The following FGF12 variants were observed in gnomAD, a reference collection of about 807,000 sequenced individuals.
FGF12 encodes the protein fibroblast growth factor 12B.
In FGF12, 14 loss-of-function variants were observed where a neutral mutation model predicts 23.6. The observed-to-expected ratio is 0.59, with a 90% confidence interval of 0.39 to 0.93. The LOEUF (loss-of-function observed/expected upper bound fraction) is 0.93. FGF12 is among the 40% of genes least tolerant of loss of function. FGF12 has a pLI of 0.00. For synonymous variants in FGF12, 62 were observed against 77.3 expected, an observed-to-expected ratio of 0.80 and a Z score of 1.04; for missense variants, 175 against 217.8, an observed-to-expected ratio of 0.80 and a Z score of 1.24.
intron 2 of FGF12, among the ~76,000 whole-genome samples, chr3:192,630,434 TAA>T (rs879592718): frequency 6.9e-6 from 1 of 144,940 alleles, no homozygotes; most frequent in African/African-American, 2.5e-5. Flanking sequence ...AAATCAGGGC[TAA>T]AAAAAAAAAA....
intron 2 of FGF12, among the ~76,000 whole-genome samples, chr3:192,365,843 C>T (rs1240112458): frequency 2.6e-5 from 4 of 151,648 alleles, no homozygotes; most frequent in East Asian, 1.9e-4. Flanking sequence ...CCTAGGTACA[C>T]GATGGAAACC....
intron 4 of FGF12, among the ~76,000 whole-genome samples, chr3:192,225,420 C>A (rs140194051): frequency 6.6e-6 from 1 of 152,202 alleles, no homozygotes; most frequent in Non-Finnish European, 1.5e-5. Flanking sequence ...TGCTACCACA[C>A]ATACATTCTT....
chr3:192,431,580 CAA>C (rs2062051340), intron 2 of FGF12, among the ~76,000 whole-genome samples: 2 of 152,098 alleles, frequency 1.3e-5, no homozygotes, highest in Non-Finnish European at 2.9e-5. Flanking sequence ...GTTCAAAATA[CAA>C]AACCTGCTCA....
chr3:192,224,209 C>T (rs946318516), intron 4 of FGF12, among the ~76,000 whole-genome samples: 4 of 152,094 alleles, frequency 2.6e-5, no homozygotes, highest in African/African-American at 7.2e-5. Flanking sequence ...CTCAGCAAAA[C>T]GGTGCTGGAG....
intron 2 of FGF12, among the ~76,000 whole-genome samples, chr3:192,571,214 A>G (rs1409695404): frequency 6.6e-6 from 1 of 152,248 alleles, no homozygotes; most frequent in Non-Finnish European, 1.5e-5. Context: ...AAAGGCAACA[A>G]TGACTTCGTG....
chr3:192,461,088 C>T (rs1386417141), intron 2 of FGF12, among the ~76,000 whole-genome samples: 1 of 152,140 alleles, frequency 6.6e-6, no homozygotes, highest in African/African-American at 2.4e-5. Flanking sequence ...ATATAACATA[C>T]AGGACACATT....
In FGF12 at chr3:192,605,308, G is replaced by A. The variant is rs189474628; in HGVS notation, c.13+121873C>T. Among the ~76,000 whole-genome samples, 109 of 151,974 alleles carry A rather than the reference G, an allele frequency of 7.2e-4. 1 individual carries two copies. The highest frequency in any genetic ancestry group is 1.2e-3 in the Non-Finnish European group (84 of 67,954). ...AGGCAGGAGAATCTCTTGAACCTGG[G>A]AGGTGGAGGTTGCAGTGAGCCAAGG... is the stretch of plus-strand genomic sequence containing the variant. On this transcript the variant is annotated intron_variant, in intron 2 of 5. Coordinates refer to ENST00000445105, the MANE Select transcript of FGF12 (RefSeq NM_004113.6).
intron 2 of FGF12, among the ~76,000 whole-genome samples, chr3:192,395,625 G>C (rs962814075): frequency 3.9e-5 from 6 of 152,200 alleles, no homozygotes; most frequent in African/African-American, 1.2e-4. Context: ...TGCCCTCCAG[G>C]AACTCACTCT....
rs112094742 is a variant in FGF12 at position 192,441,301 on chromosome 3, G to A, written c.14-80763C>T. ...AAATGTTGGATAAATAAAGGCATGA[G>A]CAAATGAATCTTTGACTGGGGGAAT... On this transcript the variant is annotated intron_variant, in intron 2 of 5. Transcript: ENST00000445105. Among the ~76,000 whole-genome samples, 652 of 152,302 alleles carry A rather than the reference G, an allele frequency of 4.3e-3. 5 individuals carry two copies. Among genetic ancestry groups the A allele is most frequent in the African/African-American group, 0.015 (625 of 41,566 alleles).
chr3:192,242,292 A>G lies in FGF12; in HGVS notation c.229-71636T>C, dbSNP rs370153485. On this transcript the variant is annotated intron_variant, in intron 4 of 5. Transcript: ENST00000445105. ...TCCACTTCGGTACTTAAGGAAGATA[A>G]TTTTTGTTGTGGGAGCTGTCCTGTT... Among the ~76,000 whole-genome samples the G allele has an allele frequency of 2.4e-4, 37 of 152,294 alleles. 1 individual carries two copies. In the South Asian group the frequency reaches 7.3e-3, roughly 30 times the overall value.
At chr3:192,588,368 G>GA (rs925641148) in intron 2 of FGF12, among the ~76,000 whole-genome samples, 2 of 99,640 alleles carry the variant, frequency 2.0e-5, no homozygotes, top group South Asian at 3.3e-4. Context: ...AAAAAAAAAA[G>GA]AAAAAAAGAA....
chr3:192,248,015 C>T (rs948087124), intron 4 of FGF12, among the ~76,000 whole-genome samples: 2 of 152,152 alleles, frequency 1.3e-5, no homozygotes, highest in Admixed American at 6.5e-5. Flanking sequence ...TCTCTATGAT[C>T]AGCCATGAGA....
chr3:192,464,295 C>A (rs1722944836), intron 2 of FGF12, among the ~76,000 whole-genome samples: 1 of 152,084 alleles, frequency 6.6e-6, no homozygotes, highest in African/African-American at 2.4e-5. Context: ...CCCCTCCCAC[C>A]CTTCCCCTTG....
At chr3:192,498,106 C>G (rs1301614753) in intron 2 of FGF12, among the ~76,000 whole-genome samples, 2 of 152,212 alleles carry the variant, frequency 1.3e-5, no homozygotes, top group Non-Finnish European at 2.9e-5. Flanking sequence ...ACCTTCTATG[C>G]CAAGTGTATG....
At chr3:192,542,993 G>T (rs1577045205) in intron 2 of FGF12, among the ~76,000 whole-genome samples, 1 of 151,998 alleles carries the variant, frequency 6.6e-6, no homozygotes, top group East Asian at 1.9e-4. Context: ...AAGGGCTGTG[G>T]TTACCACTGC....
At chr3:192,603,990 G>A (rs572108480) in intron 2 of FGF12, among the ~76,000 whole-genome samples, 4 of 152,080 alleles carry the variant, frequency 2.6e-5, no homozygotes, top group Admixed American at 6.5e-5. Flanking sequence ...TTCCCAGAGC[G>A]GCCGTTTATA....
At chr3:192,570,059 T>A (rs1257983475) in intron 2 of FGF12, among the ~76,000 whole-genome samples, 1 of 152,086 alleles carries the variant, frequency 6.6e-6, no homozygotes, top group Non-Finnish European at 1.5e-5. Flanking sequence ...CCAGAATCTA[T>A]AGGTTTTAAT....
chr3:192,720,426 C>T (rs1719001583), intron 2 of FGF12, among the ~76,000 whole-genome samples: 1 of 152,144 alleles, frequency 6.6e-6, no homozygotes, highest in African/African-American at 2.4e-5. Flanking sequence ...GTCTCACATT[C>T]CCAAAGACAA....
At chr3:192,654,205 T>C (rs1322261980) in intron 2 of FGF12, among the ~76,000 whole-genome samples, 2 of 152,360 alleles carry the variant, frequency 1.3e-5, no homozygotes, top group East Asian at 1.9e-4. Flanking sequence ...TGTGGAAGTT[T>C]GGAGGCCAAG....
Sources: gnomAD v4.1 joint callset for allele counts (sites outside exome capture counted in the v4.1 genomes callset) on GRCh38, gnomAD v4.1.1 for gene constraint, MANE v1.5 for transcripts, NCBI Gene and HGNC (gene_info 2026-07-23, HGNC 2026-07-21) for gene names.